MAP3K7: variants seen among roughly 807,000 people sequenced by gnomAD.
MAP3K7 encodes mitogen-activated protein kinase kinase kinase 7, also known as TGF-beta activated kinase 1.
MAP3K7 carries 21 observed loss-of-function variants against 84.8 expected under a neutral mutation model. That is an observed-to-expected ratio of 0.25 (90% confidence interval 0.18 to 0.36). The LOEUF (loss-of-function observed/expected upper bound fraction) is 0.36. Among genes scored for constraint, MAP3K7 ranks in the 10% least tolerant of loss-of-function variants. The pLI is 1.00. For synonymous variants in MAP3K7, 241 were observed against 247.7 expected (o/e 0.97, Z 0.25); for missense variants, 503 against 747.7 (o/e 0.67, Z 3.82).
intron 1 of MAP3K7, among the ~76,000 whole-genome samples, chr6:90,572,100 T>C (rs1300969252): frequency 6.6e-6 from 1 of 151,886 alleles, no homozygotes; most frequent in Non-Finnish European, 1.5e-5. Flanking sequence ...AGTAAAGTGA[T>C]TTGTTAAATG....
intron 13 of MAP3K7, among the ~76,000 whole-genome samples, chr6:90,532,684 G>T (rs532720386): frequency 1.3e-5 from 2 of 151,956 alleles, no homozygotes; most frequent in South Asian, 4.1e-4. Flanking sequence ...GCATTTATAA[G>T]AATGTATATT....
At chr6:90,556,866 T>C (rs559500708) in intron 5 of MAP3K7, among the ~76,000 whole-genome samples, 25 of 152,216 alleles carry the variant, frequency 1.6e-4, no homozygotes, top group Admixed American at 3.3e-4. Flanking sequence ...CACATTCTGA[T>C]GTCTTCATCT....
intron 12 of MAP3K7, among the ~76,000 whole-genome samples, chr6:90,541,875 G>C (rs1775865039): frequency 6.6e-6 from 1 of 151,910 alleles, no homozygotes; most frequent in Admixed American, 6.6e-5. Flanking sequence ...TTTTTGTGAT[G>C]CTTGAAGGAT....
intron 1 of MAP3K7, among the ~76,000 whole-genome samples, chr6:90,582,880 CTTTTTT>C (rs535938524): frequency 2.3e-5 from 3 of 129,146 alleles, no homozygotes; most frequent in East Asian, 4.4e-4. Flanking sequence ...CTTCTATCAT[CTTTTTT>C]TTTTTTTTTT....
chr6:90,538,391 C>T (rs1775745058), intron 12 of MAP3K7, among the ~76,000 whole-genome samples: 1 of 151,788 alleles, frequency 6.6e-6, no homozygotes, highest in South Asian at 2.1e-4. Flanking sequence ...ACTCATTTTA[C>T]CTTTTTTGGT....
At chr6:90,572,323 T>C (rs896568648) in intron 1 of MAP3K7, among the ~76,000 whole-genome samples, 5 of 152,050 alleles carry the variant, frequency 3.3e-5, no homozygotes, top group Admixed American at 2.0e-4. Context: ...CAAAATATAG[T>C]ATTATTTATT....
rs1160244930 is a variant in MAP3K7 at position 90,547,315 on chromosome 6, C to A, written c.1153G>T (p.Gly385Cys). The A allele has an allele frequency of 5.6e-6, 9 of 1,612,824 alleles. No homozygotes were observed. Among genetic ancestry groups the A allele is most frequent in the Non-Finnish European group, 7.6e-6 (9 of 1,179,436 alleles). Residue 385 changes from glycine (G) to cysteine (C), a missense_variant, in exon 11 of 17, where the codon GGC (glycine) becomes TGC (cysteine). Physicochemically the swap from Gly to Cys is radical, Grantham distance 159. Around this residue, in one of 5 missense-constraint regions of MAP3K7, gnomAD observed 286 missense variants for 313.6 expected, o/e 0.91. Transcript: ENST00000369329. ...GACATGTCAGCACTCATCCTCTTGC[C>A]CTCAGAGGTTGGGGGCAAGCTCTCC... ...SVESLPPTSEGKRMSADMSEI... is the reference protein window; with the variant it reads ...SVESLPPTSECKRMSADMSEI...
In MAP3K7 at chr6:90,568,603, C is replaced by T; in HGVS notation, c.252G>A (p.Val84=). ...FIVELRQLSR[V]NHPNIVKLYG... ...AAAGCTTTACAATATTAGGATGGTT[C>T]ACACGGGATAACTGCCGAAGCTGTT... The change falls in exon 3 of 17, where the codon GTG becomes GTA. Residue 84 remains valine, a synonymous_variant. Coordinates refer to ENST00000369329, the MANE Select transcript of MAP3K7 (RefSeq NM_145331.3). 1 of 1,608,996 alleles carries T rather than the reference C, an allele frequency of 6.2e-7. No homozygotes were observed. The highest frequency in any genetic ancestry group is 8.5e-7 in the Non-Finnish European group (1 of 1,178,854).
intron 12 of MAP3K7, among the ~76,000 whole-genome samples, chr6:90,540,851 C>T (rs1554183015): frequency 6.6e-6 from 1 of 151,830 alleles, no homozygotes; most frequent in Non-Finnish European, 1.5e-5. Context: ...TCTACCTGTT[C>T]CTCTTTGACA....
chr6:90,552,767 AAAC>A (rs1218649849), intron 7 of MAP3K7, among the ~76,000 whole-genome samples: 46 of 152,364 alleles, frequency 3.0e-4, no homozygotes, highest in African/African-American at 1.1e-3. Flanking sequence ...ATGTGGTTAA[AAAC>A]AACATTACCA....
chr6:90,516,871 A>G (rs1291831519), intron 16 of MAP3K7, among the ~76,000 whole-genome samples, 190 bp from the exon 17 acceptor site: 4 of 152,026 alleles, frequency 2.6e-5, no homozygotes, highest in African/African-American at 9.7e-5. Flanking sequence ...TACAAATAAC[A>G]TAATCCTTTT....
At chr6:90,566,557 A>G (rs948037026) in intron 3 of MAP3K7, among the ~76,000 whole-genome samples, 19 of 152,216 alleles carry the variant, frequency 1.2e-4, no homozygotes, top group South Asian at 2.1e-4. Flanking sequence ...TCATTGGAAT[A>G]AAAGAAGACA....
At chr6:90,516,902 TA>T (rs1252096754) in intron 16 of MAP3K7, among the ~76,000 whole-genome samples, 1 of 152,006 alleles carries the variant, frequency 6.6e-6, no homozygotes, top group Non-Finnish European at 1.5e-5. Context: ...TGTACTTGGA[TA>T]ATTAGCGAAG....
At chr6:90,539,150 AGT>A (rs1775773715) in intron 12 of MAP3K7, among the ~76,000 whole-genome samples, 1 of 151,910 alleles carries the variant, frequency 6.6e-6, no homozygotes, top group Non-Finnish European at 1.5e-5. Context: ...AGGCTGCCAA[AGT>A]TTCGTATTTC....
At chr6:90,528,825 T>C (rs780921531) in intron 13 of MAP3K7, among the ~76,000 whole-genome samples, 16 of 152,320 alleles carry the variant, frequency 1.1e-4, no homozygotes, top group East Asian at 3.9e-4. Flanking sequence ...TAAATTAACT[T>C]TGAAGAAAAA....
At position 90,568,425 on chromosome 6, in the gene MAP3K7, T is replaced by G. The variant is rs1376107153; in HGVS notation, c.297+133A>C. ...ATTTTAAAGTATTGGAGGTACCTTT[T>G]TATCTTGAAAAAATATAATATTTTT... On this transcript the variant is annotated intron_variant, in intron 3 of 16. Transcript: ENST00000369329. 1.7e-5 allele frequency: 11 copies of G among 658,518 alleles called. No homozygotes were observed. In the Admixed American group the frequency reaches 3.7e-4, roughly 22 times the overall value. 40.8% of individuals were successfully genotyped at this position (658,518 alleles called of 1,614,324 possible).
chr6:90,586,967 G>T lies in MAP3K7; in HGVS notation c.-84C>A. ...ACCCGCGCCCACCCGCCTCCGGACCGACCCTCAGCCTGGAGCCGCGCAGTC... is the reference window on the plus strand; with the variant it reads ...ACCCGCGCCCACCCGCCTCCGGACCTACCCTCAGCCTGGAGCCGCGCAGTC... On this transcript the variant is annotated 5_prime_UTR_variant, in exon 1 of 17. Coordinates refer to ENST00000369329, the MANE Select transcript of MAP3K7 (RefSeq NM_145331.3). The T allele has an allele frequency of 7.0e-7, 1 of 1,436,298 alleles. No homozygotes were observed. Among genetic ancestry groups the T allele is most frequent in the Non-Finnish European group, 9.1e-7 (1 of 1,097,402 alleles). 89.0% of individuals were successfully genotyped at this position (1,436,298 alleles called of 1,614,324 possible). A position where few individuals can be genotyped will look rare whatever the true frequency, so the allele number is the denominator to read the frequency against.
At position 90,552,194 on chromosome 6, in the gene MAP3K7, G is replaced by C; in HGVS notation, c.737-15C>G. On this transcript the variant is annotated splice_polypyrimidine_tract_variant and intron_variant, in intron 7 of 16. Coordinates refer to ENST00000369329, the MANE Select transcript of MAP3K7 (RefSeq NM_145331.3). ...TGGTCGAGTACCTACAATTGAAAAT[G>C]AGAGGAAGGGGGGAAGAATGTATTT... 1 of 1,587,424 alleles carries C rather than the reference G, an allele frequency of 6.3e-7. No individual in the cohort carries two copies. Among genetic ancestry groups the C allele is most frequent in the Non-Finnish European group, 8.6e-7 (1 of 1,159,330 alleles).
At chr6:90,552,202 G>C (rs771286019) in intron 7 of MAP3K7, 23 bp from the exon 8 acceptor site, 1 of 1,580,802 alleles carries the variant, frequency 6.3e-7, no homozygotes, top group Non-Finnish European at 8.7e-7. Flanking sequence ...ATGAGAGGAA[G>C]GGGGGAAGAA....
Sources: allele counts gnomAD v4.1 joint callset (sites outside exome capture counted in the v4.1 genomes callset), GRCh38; gene constraint gnomAD v4.1.1; regional missense constraint gnomAD v4.1.1; transcripts MANE v1.5; gene names NCBI Gene and HGNC (gene_info 2026-07-23, HGNC 2026-07-21).